The following WDPCP variants were observed in gnomAD, a reference collection of about 807,000 sequenced individuals.
WDPCP encodes the protein WD repeat containing planar cell polarity effector, also known as WD repeat-containing and planar cell polarity effector protein fritz homolog.
In WDPCP, 71 loss-of-function variants were observed where a neutral mutation model predicts 93.1. The ratio of observed to expected loss-of-function variants is 0.76; its 90% confidence interval spans 0.63 to 0.93. WDPCP has a LOEUF of 0.93. Ranked by LOEUF, WDPCP falls within the 40% of genes least tolerant of loss-of-function variation. The pLI, the probability that WDPCP is intolerant of heterozygous loss-of-function variation, is 0.00. For missense variants in WDPCP, 844 were observed against 887.4 expected (o/e 0.95, Z 0.62); for synonymous variants, 315 against 315.0 (o/e 1.00, Z 0.00).
intron 2 of WDPCP, among the ~76,000 whole-genome samples, chr2:63,675,081 A>C (rs1710388917): frequency 6.6e-6 from 1 of 152,030 alleles, no homozygotes; most frequent in Non-Finnish European, 1.5e-5. Flanking sequence ...ACCCCACCCC[A>C]AACTTCCTTT....
At chr2:63,308,453 T>C (rs899353964) in intron 13 of WDPCP, among the ~76,000 whole-genome samples, 2 of 152,220 alleles carry the variant, frequency 1.3e-5, no homozygotes, top group African/African-American at 4.8e-5. Context: ...CGTATGTTTA[T>C]TGTAGCAGTA....
intron 13 of WDPCP, among the ~76,000 whole-genome samples, chr2:63,273,018 A>G (rs1682779113): frequency 6.6e-6 from 1 of 152,206 alleles, no homozygotes; most frequent in Non-Finnish European, 1.5e-5. Context: ...CAAGTCACAT[A>G]TAAGGGAATC....
intron 3 of WDPCP, chr2:63,643,655 CA>C: frequency 2.2e-6 from 1 of 462,918 alleles, no homozygotes; most frequent in Non-Finnish European, 4.3e-6. Context: ...TTTGTACCCA[CA>C]AAGATTTTTC....
At chr2:63,411,822 A>G (rs1188494182) in intron 9 of WDPCP, among the ~76,000 whole-genome samples, 1 of 152,208 alleles carries the variant, frequency 6.6e-6, no homozygotes, top group African/African-American at 2.4e-5. Flanking sequence ...CTTCTAGCTT[A>G]AGTCAGGAAG....
At chr2:63,585,949 C>A (rs1175105308) in intron 1 of WDPCP, among the ~76,000 whole-genome samples, 2 of 150,428 alleles carry the variant, frequency 1.3e-5, no homozygotes, top group African/African-American at 4.9e-5. Flanking sequence ...ACCTCAGCCT[C>A]TTGAGGAGCT....
chr2:63,168,023 G>T (rs1194934426), intron 15 of WDPCP, among the ~76,000 whole-genome samples: 3 of 147,670 alleles, frequency 2.0e-5, no homozygotes, highest in Admixed American at 6.9e-5. Flanking sequence ...GGCTGAGGTG[G>T]ATCACCTGAG....
chr2:63,311,689 T>G (rs1169397292), intron 13 of WDPCP, among the ~76,000 whole-genome samples: 2 of 152,196 alleles, frequency 1.3e-5, no homozygotes, highest in Non-Finnish European at 2.9e-5. Context: ...TGATTTGAAC[T>G]AACATGGACA....
In WDPCP at chr2:63,382,012, G is replaced by A. The variant is rs779101316; in HGVS notation, c.1518C>T (p.Asn506=). The A allele has an allele frequency of 4.3e-6, 7 of 1,613,518 alleles. No homozygotes were observed. The highest frequency in any genetic ancestry group is 2.2e-5 in the South Asian group (2 of 91,076). ...TGTCCCAGTTCATGCTGCTCAGGAT[G>A]TTTATTGCCTCATAGATCTCATCAC... is the stretch of plus-strand genomic sequence containing the variant. ...IHCDEIYEAI[N]ILSSMNWDTL... is the part of the protein sequence containing the mutation. Residue 506 remains asparagine, a synonymous_variant, in exon 11 of 18, where the codon AAC becomes AAT. Transcript: ENST00000272321.
chr2:63,768,827 A>C (rs954211697), intron 2 of WDPCP, among the ~76,000 whole-genome samples: 1 of 152,016 alleles, frequency 6.6e-6, no homozygotes, highest in African/African-American at 2.4e-5. Context: ...AACAGACAGA[A>C]ACTTCAGGGA....
rs531994842 is a variant in WDPCP, at chr2:63,150,751, A to G, written c.2190+2163T>C. ...AATGTTTTATTATTATTTTTGTTGA[A>G]TATATTCAATTGGTTGAGAAAAAAG... On this transcript the variant is annotated intron_variant, in intron 17 of 17. Transcript: ENST00000272321. Among the ~76,000 whole-genome samples, 10 of 152,328 alleles carry G rather than the reference A, an allele frequency of 6.6e-5. No homozygotes were observed. In the South Asian group the frequency reaches 2.1e-3, roughly 32 times the overall value.
At chr2:63,831,378 A>ACAATGCT (rs1245468902), upstream of WDPCP, among the ~76,000 whole-genome samples, 2 of 152,076 alleles carry the variant, frequency 1.3e-5, no homozygotes, top group African/African-American at 4.8e-5. Context: ...CCTAGAATAC[A>ACAATGCT]CAATGCTCTG....
chr2:63,706,511 C>T (rs1169567003), intron 2 of WDPCP, among the ~76,000 whole-genome samples: 2 of 150,976 alleles, frequency 1.3e-5, no homozygotes, highest in Non-Finnish European at 2.9e-5. Flanking sequence ...AATCTCTCAG[C>T]ATTTGCTTGT....
At chr2:63,501,419 AGGCAGGTGTGGTGGCACCTGCCT>A (rs1470245110) in intron 1 of WDPCP, among the ~76,000 whole-genome samples, 1 of 152,142 alleles carries the variant, frequency 6.6e-6, no homozygotes, top group Non-Finnish European at 1.5e-5. Context: ...AATAAAAATT[AGGCAGGTGTGGTGGCACCTGCCT>A]GTACTCCTAG....
At chr2:63,398,159 A>C (rs943602687) in intron 10 of WDPCP, among the ~76,000 whole-genome samples, 9 of 152,158 alleles carry the variant, frequency 5.9e-5, no homozygotes, top group African/African-American at 2.2e-4. Flanking sequence ...CGTAAGAAGC[A>C]GATAAACTTA....
chr2:63,488,559 T>C (rs1700700829), intron 2 of WDPCP, among the ~76,000 whole-genome samples: 1 of 152,068 alleles, frequency 6.6e-6, no homozygotes, highest in Non-Finnish European at 1.5e-5. Flanking sequence ...GTAGGACTTC[T>C]TGGATACTGA....
At chr2:63,471,569 A>C (rs1344453742) in intron 6 of WDPCP, among the ~76,000 whole-genome samples, 1 of 152,210 alleles carries the variant, frequency 6.6e-6, no homozygotes, top group Non-Finnish European at 1.5e-5. Context: ...TGATTTAGTC[A>C]TTACTTATTG....
intron 2 of WDPCP, among the ~76,000 whole-genome samples, chr2:63,789,401 G>C (rs1212409360): frequency 3.9e-5 from 6 of 152,132 alleles, no homozygotes; most frequent in African/African-American, 1.4e-4. Context: ...TCAGAACCTG[G>C]CAAATTAGGT....
At chr2:63,765,686 T>C (rs1296777463) in intron 2 of WDPCP, among the ~76,000 whole-genome samples, 3 of 152,148 alleles carry the variant, frequency 2.0e-5, no homozygotes, top group Non-Finnish European at 4.4e-5. Flanking sequence ...TATCCTGGAC[T>C]CTGGATCAAG....
intron 2 of WDPCP, among the ~76,000 whole-genome samples, chr2:63,704,961 T>C (rs796082481): frequency 6.6e-6 from 1 of 152,240 alleles, no homozygotes; most frequent in Non-Finnish European, 1.5e-5. Flanking sequence ...TATTAATTAT[T>C]GCCTCAATTT....
Sources: allele counts gnomAD v4.1 joint callset (sites outside exome capture counted in the v4.1 genomes callset), GRCh38; gene constraint gnomAD v4.1.1; transcripts MANE v1.5; gene names NCBI Gene and HGNC (gene_info 2026-07-23, HGNC 2026-07-21).